The following PARP12 variants were observed in gnomAD, a reference collection of about 807,000 sequenced individuals.
PARP12 encodes the protein protein mono-ADP-ribosyltransferase PARP12.
Under a neutral mutation model 72.4 loss-of-function variants are expected in PARP12, and 59 were observed. The observed-to-expected ratio is 0.81, with a 90% CI of 0.66 to 1.01. The LOEUF (loss-of-function observed/expected upper bound fraction) is 1.01, where lower values mean the gene tolerates loss of function less well. Ranked by LOEUF, PARP12 falls within the 50% of genes least tolerant of loss-of-function variation. The pLI is 0.00. For missense variants in PARP12, 851 were observed against 914.0 expected, an observed-to-expected ratio of 0.93 and a Z score of 0.89; for synonymous variants, 403 against 371.4, an observed-to-expected ratio of 1.09 and a Z score of -0.98.
chr7:140,060,450 C>T (rs1790783167), intron 1 of PARP12, among the ~76,000 whole-genome samples: 2 of 152,188 alleles, frequency 1.3e-5, no homozygotes, highest in Admixed American at 6.5e-5. Flanking sequence ...CCCACTCTCC[C>T]TAAAGTGAGT....
chr7:140,051,421 C>A (rs956834903), intron 4 of PARP12, among the ~76,000 whole-genome samples: 1 of 150,576 alleles, frequency 6.6e-6, no homozygotes, highest in Admixed American at 6.6e-5. Flanking sequence ...GACAGAGTTT[C>A]ACTCTGTCGC....
intron 5 of PARP12, among the ~76,000 whole-genome samples, chr7:140,046,345 A>G (rs1290291587): frequency 6.6e-6 from 1 of 152,222 alleles, no homozygotes; most frequent in Non-Finnish European, 1.5e-5. Context: ...ATCTGAAAAG[A>G]AGGCTATCCG....
At position 140,057,876 on chromosome 7, in the gene PARP12, C is replaced by T. The variant is rs1817251877; in HGVS notation, c.462+23G>A. On this transcript the variant is annotated intron_variant, in intron 2 of 11. Coordinates refer to ENST00000263549, the MANE Select transcript of PARP12 (RefSeq NM_022750.4). ...GGAATGTCCCCAGGGAGCTGTGGAA[C>T]CCAGACTTCCCCTGGCACTCACTTC... 3 of 1,613,540 alleles carry T rather than the reference C, an allele frequency of 1.9e-6. No homozygotes were observed. In the South Asian group the frequency reaches 3.3e-5, roughly 18 times the overall value.
chr7:140,033,334 C>G, intron 8 of PARP12: 1 of 985,410 alleles, frequency 1.0e-6, no homozygotes, highest in Non-Finnish European at 1.2e-6. Flanking sequence ...TAAAAACGAC[C>G]TTTGCATGCT....
chr7:140,057,372 C>T (rs1301223424), intron 2 of PARP12: 3 of 575,052 alleles, frequency 5.2e-6, no homozygotes, highest in African/African-American at 3.7e-5. Context: ...ACAGAATCAG[C>T]CCCTCCACTG....
At chr7:140,030,131 A>C (rs1000996762) in intron 8 of PARP12, among the ~76,000 whole-genome samples, 1 of 152,194 alleles carries the variant, frequency 6.6e-6, no homozygotes, top group East Asian at 1.9e-4. Context: ...TAGCCAAAGG[A>C]AAAAAGAGTG....
chr7:140,045,577 T>C (rs755699196), intron 5 of PARP12, among the ~76,000 whole-genome samples: 7 of 152,196 alleles, frequency 4.6e-5, no homozygotes, highest in Admixed American at 1.3e-4. Context: ...AAGGCACTGA[T>C]TGGCTTAAGC....
chr7:140,024,254 C>G lies in PARP12; in HGVS notation c.*306G>C. On this transcript the variant is annotated 3_prime_UTR_variant, in exon 12 of 12. Coordinates refer to ENST00000263549, the MANE Select transcript of PARP12 (RefSeq NM_022750.4). ...TTAAAACCAATCCATAAAATTGTAT[C>G]TAGAAACTCTGTCCCTGGTGCCAAT... 3 of 387,594 alleles carry G rather than the reference C, an allele frequency of 7.7e-6. No individual in the cohort carries two copies. The highest frequency in any genetic ancestry group is 1.5e-5 in the Non-Finnish European group (3 of 204,918). 24.0% of individuals were successfully genotyped at this position (387,594 alleles called of 1,614,324 possible).
intron 7 of PARP12, among the ~76,000 whole-genome samples, chr7:140,036,384 T>C (rs944329548): frequency 2.0e-4 from 30 of 152,198 alleles, no homozygotes; most frequent in African/African-American, 6.3e-4. Flanking sequence ...TCCCCTCTCA[T>C]GCACTGGTGT....
intron 4 of PARP12, 101 bp downstream of exon 4, chr7:140,054,561 G>C: frequency 2.1e-6 from 2 of 946,544 alleles, no homozygotes; most frequent in South Asian, 1.5e-5. Context: ...CTCTCCGGAT[G>C]GGGTAGAGGT....
intron 1 of PARP12, among the ~76,000 whole-genome samples, chr7:140,062,158 T>C (rs1299533606): frequency 1.3e-5 from 2 of 152,146 alleles, no homozygotes; most frequent in Admixed American, 6.5e-5. Flanking sequence ...ACCTTCATTG[T>C]CTGGCCTCAA....
In PARP12 at chr7:140,024,902, G is replaced by C; in HGVS notation, c.1781-17C>G. ...AGTAGCTCCCTGAAATGACACACGA[G>C]GGCTCAGCTGGTGGAGGGGCCTGCA... On this transcript the variant is annotated splice_polypyrimidine_tract_variant and intron_variant, in intron 11 of 11. Transcript: ENST00000263549. The C allele has an allele frequency of 6.2e-7, 1 of 1,608,144 alleles. No homozygotes were observed. Among genetic ancestry groups the C allele is most frequent in the African/African-American group, 1.3e-5 (1 of 74,938 alleles).
At chr7:140,062,489 C>A (rs1331001930) in intron 1 of PARP12, 33 bp downstream of exon 1, 1 of 1,512,970 alleles carries the variant, frequency 6.6e-7, no homozygotes, top group Non-Finnish European at 8.8e-7. Context: ...CGCAGGACCT[C>A]CGCCCGCCGT....
rs1332040822 is a variant in PARP12 at position 140,058,118 on chromosome 7, AG to A, written c.327-85del. The A allele has an allele frequency of 3.5e-6, 5 of 1,448,606 alleles. No homozygotes were observed. The East Asian group carries it at 1.1e-4, about 33-fold the overall frequency. 89.7% of individuals were successfully genotyped at this position (1,448,606 alleles called of 1,614,324 possible). A position where few individuals can be genotyped will look rare whatever the true frequency, so the allele number is the denominator to read the frequency against. ...TTGGAGTCCTAACTCCCACGACCTCAGGATATGGCTCTATTTGGAAAGAAGG... is the reference window on the plus strand; with the variant it reads ...TTGGAGTCCTAACTCCCACGACCTCAGATATGGCTCTATTTGGAAAGAAGG... On this transcript the variant is annotated intron_variant, in intron 1 of 11. Coordinates refer to ENST00000263549, the MANE Select transcript of PARP12 (RefSeq NM_022750.4).
chr7:140,043,731 C>T (rs1056578862), intron 5 of PARP12, among the ~76,000 whole-genome samples: 71 of 152,240 alleles, frequency 4.7e-4, no homozygotes, highest in African/African-American at 1.6e-3. Context: ...AGAGTTTCAC[C>T]ATGTTGGCCA....
intron 10 of PARP12, among the ~76,000 whole-genome samples, chr7:140,026,935 C>A (rs953600877): frequency 6.6e-6 from 1 of 152,276 alleles, no homozygotes; most frequent in East Asian, 1.9e-4. Context: ...CTAGCCACAG[C>A]CTTATGTTCC....
intron 11 of PARP12, chr7:140,025,668 C>A: frequency 1.4e-5 from 5 of 360,630 alleles, no homozygotes; most frequent in African/African-American, 2.1e-5. Context: ...AAAATTTACC[C>A]AAAGAGGTTT....
rs1815636072 is a variant in PARP12 at position 140,024,309 on chromosome 7, T to C, written c.*251A>G. On this transcript the variant is annotated 3_prime_UTR_variant, in exon 12 of 12. Coordinates refer to ENST00000263549, the MANE Select transcript of PARP12 (RefSeq NM_022750.4). The stretch of plus-strand genomic sequence containing the variant: ...AGCAAAGTCAACAAAGAGTAAAAAC[T>C]AAAACTTCAACACATTATTAAAAAG... The C allele has an allele frequency of 4.0e-6, 2 of 502,506 alleles. No individual in the cohort carries two copies. The highest frequency in any genetic ancestry group is 7.4e-5 in the East Asian group (2 of 27,068). 31.1% of individuals were successfully genotyped at this position (502,506 alleles called of 1,614,324 possible). A position where few individuals can be genotyped will look rare whatever the true frequency, so the allele number is the denominator to read the frequency against.
chr7:140,044,722 T>C lies in PARP12; in HGVS notation c.986+2162A>G, dbSNP rs532265440. On this transcript the variant is annotated intron_variant, in intron 5 of 11. Coordinates refer to ENST00000263549, the MANE Select transcript of PARP12 (RefSeq NM_022750.4). ...CAATGGAATCCAGACAACAATGAAA[T>C]AGTCTTTGAAGAACTGAGGGAAAAT... 5.9e-5 allele frequency among the ~76,000 whole-genome samples: 9 copies of C among 152,322 alleles called. No homozygotes were observed. In the East Asian group the frequency reaches 9.7e-4, roughly 16 times the overall value.
Sources: allele counts gnomAD v4.1 joint callset (sites outside exome capture counted in the v4.1 genomes callset), GRCh38; gene constraint gnomAD v4.1.1; transcripts MANE v1.5; gene names NCBI Gene and HGNC (gene_info 2026-07-23, HGNC 2026-07-21).